Variants in ZNF131 observed in about 807,000 individuals in gnomAD.
ZNF131 encodes the protein zinc finger protein 131.
In ZNF131, 7 loss-of-function variants were observed where a neutral mutation model predicts 60.0. The observed-to-expected ratio is 0.12, with a 90% confidence interval of 0.07 to 0.22. The LOEUF (loss-of-function observed/expected upper bound fraction) is 0.22. ZNF131 is among the 10% of genes least tolerant of loss of function. The pLI is 1.00. For missense variants in ZNF131, 493 were observed against 740.9 expected, an observed-to-expected ratio of 0.67 and a Z score of 3.88; for synonymous variants, 257 against 253.2, an observed-to-expected ratio of 1.01 and a Z score of -0.14.
At chr5:43,158,763 A>G (rs145857982) in intron 4 of ZNF131, among the ~76,000 whole-genome samples, 6,802 of 152,142 alleles carry the variant, frequency 0.045, 227 homozygotes, top group Non-Finnish European at 0.068. Flanking sequence ...AGTGTAGTCA[A>G]CATGTTTGCT....
intron 4 of ZNF131, among the ~76,000 whole-genome samples, chr5:43,144,864 G>A (rs187256228): frequency 6.6e-6 from 1 of 151,672 alleles, no homozygotes; most frequent in East Asian, 2.0e-4. Context: ...CTGTCTGCTT[G>A]TTCATGGCAA....
At chr5:43,171,785 A>G (rs889732706) in intron 5 of ZNF131, among the ~76,000 whole-genome samples, 7 of 151,878 alleles carry the variant, frequency 4.6e-5, no homozygotes, top group Admixed American at 4.6e-4. Flanking sequence ...ATGCCCAGCT[A>G]ATTTTTGTAT....
intron 4 of ZNF131, among the ~76,000 whole-genome samples, chr5:43,143,985 C>T (rs373206046): frequency 1.1e-3 from 133 of 124,926 alleles, no homozygotes; most frequent in Admixed American, 4.5e-3. Context: ...TGCAGTGGTG[C>T]GATCTTGGCT....
chr5:43,162,868 G>A (rs1579876739), intron 5 of ZNF131, among the ~76,000 whole-genome samples: 1 of 124,104 alleles, frequency 8.1e-6, no homozygotes. Context: ...TCACGCCATT[G>A]TACTCCAGCC....
At chr5:43,148,667 CAG>C (rs1309589026) in intron 4 of ZNF131, among the ~76,000 whole-genome samples, 2 of 152,134 alleles carry the variant, frequency 1.3e-5, no homozygotes, top group African/African-American at 4.8e-5. Context: ...ACTGTTAGGC[CAG>C]AGTTTGCTGA....
chr5:43,143,933 T>C (rs1172521464), intron 4 of ZNF131, among the ~76,000 whole-genome samples: 40 of 108,286 alleles, frequency 3.7e-4, no homozygotes, highest in African/African-American at 1.3e-3. Flanking sequence ...TTTTTTTTTT[T>C]TTTCCTTGAG....
At chr5:43,134,182 T>C (rs191210560) in intron 3 of ZNF131, among the ~76,000 whole-genome samples, 2 of 152,324 alleles carry the variant, frequency 1.3e-5, no homozygotes, top group East Asian at 3.9e-4. Context: ...ATTCCATGAC[T>C]AAGTGAGATT....
chr5:43,153,246 A>C (rs1010588172), intron 4 of ZNF131, among the ~76,000 whole-genome samples: 1 of 152,106 alleles, frequency 6.6e-6, no homozygotes, highest in African/African-American at 2.4e-5. Flanking sequence ...CGAATTTCCT[A>C]ACCCTGGCTT....
chr5:43,133,046 G>T (rs1350466286), intron 3 of ZNF131, among the ~76,000 whole-genome samples: 1 of 152,058 alleles, frequency 6.6e-6, no homozygotes, highest in Admixed American at 6.6e-5. Flanking sequence ...ATAGTGTCTC[G>T]TAGCCTTTCA....
intron 4 of ZNF131, among the ~76,000 whole-genome samples, chr5:43,147,522 A>G (rs886422333): frequency 2.0e-5 from 3 of 151,386 alleles, no homozygotes; most frequent in Non-Finnish European, 2.9e-5. Flanking sequence ...GGTTCACGCC[A>G]TTCTCCTGCC....
rs770036560 is a variant in ZNF131, at chr5:43,174,478, A to T, written c.1217A>T (p.Gln406Leu). 3 of 1,539,902 alleles carry T rather than the reference A, an allele frequency of 1.9e-6. No individual in the cohort carries two copies. The Admixed American group carries it at 6.0e-5, about 31-fold the overall frequency. ...AACAGTGTGTTTAACAGCTGGGACCAGTTCAAAGATCACTTGGTAATACAC... is the reference window on the plus strand; with the variant it reads ...AACAGTGTGTTTAACAGCTGGGACCTGTTCAAAGATCACTTGGTAATACAC... The part of the protein sequence containing the change: ...VCNSVFNSWD[Q>L]FKDHLVIHTG... The change falls in exon 7 of 7, where the codon CAG becomes CTG. Residue 406 changes from glutamine to leucine, a missense_variant. Gln to Leu is a moderately radical substitution (Grantham distance 113). This residue lies in a region of ZNF131 where 33 missense variants were observed against 67.9 expected (regional missense o/e 0.49). Transcript: ENST00000682664.
At chr5:43,140,462 T>C (rs771432602) in intron 4 of ZNF131, among the ~76,000 whole-genome samples, 14 of 152,088 alleles carry the variant, frequency 9.2e-5, no homozygotes, top group Non-Finnish European at 1.8e-4. Context: ...TGGGATTTGA[T>C]TGTGAGGGTT....
chr5:43,147,409 TTTTA>T lies in ZNF131; in HGVS notation c.371+8120_371+8123del, dbSNP rs145929026. Among the ~76,000 whole-genome samples the T allele has an allele frequency of 4.8e-3, 721 of 151,098 alleles. 46 individuals carry two copies. In the East Asian group the frequency reaches 0.13, roughly 27 times the overall value. ...TTTTTTAAATCTTTTTTTTATTTTA[TTTTA>T]TTTATTTATTTATTTATTTTTTGAG... On this transcript the variant is annotated intron_variant, in intron 4 of 6. Coordinates refer to ENST00000682664, the MANE Select transcript of ZNF131 (RefSeq NM_001330707.2).
At chr5:43,170,457 T>G (rs1750840985) in intron 5 of ZNF131, among the ~76,000 whole-genome samples, 1 of 152,206 alleles carries the variant, frequency 6.6e-6, no homozygotes, top group African/African-American at 2.4e-5. Context: ...TGCTGAGGAC[T>G]GCTGGAGGAA....
intron 3 of ZNF131, among the ~76,000 whole-genome samples, chr5:43,134,151 A>G (rs547229182): frequency 2.8e-4 from 42 of 152,344 alleles, no homozygotes; most frequent in African/African-American, 1.0e-3. Flanking sequence ...ACTGATTCTA[A>G]CAGCAAGGTA....
intron 5 of ZNF131, among the ~76,000 whole-genome samples, chr5:43,162,969 C>CTTTTTTTTTTTTTTTGTTT (rs1749915360): frequency 1.5e-5 from 1 of 64,908 alleles, no homozygotes; most frequent in Non-Finnish European, 2.9e-5. Context: ...TTTTATTTGC[C>CTTTTTTTTTTTTTTTGTTT]TTTTTTTTTT....
rs973032026 is a variant in ZNF131, at chr5:43,122,146, C to G, written c.93C>G (p.Asp31Glu). Residue 31 changes from aspartate (D) to glutamate (E), a missense_variant, in exon 2 of 7, where the codon GAC (aspartate) becomes GAG (glutamate). This residue lies in a region of ZNF131 where 66 missense variants were observed against 148.0 expected (regional missense o/e 0.45). Transcript: ENST00000682664. ...LDRLNEQREQ[D>E]RFTDITLIVD... ...GATTGAATGAACAGCGAGAGCAGGA[C>G]CGGTTTACTGACATCACCCTAATTG... The G allele has an allele frequency of 6.2e-7, 1 of 1,614,022 alleles. No individual in the cohort carries two copies. Among genetic ancestry groups the G allele is most frequent in the Admixed American group, 1.7e-5 (1 of 60,018 alleles).
chr5:43,175,350 G>A lies in ZNF131; in HGVS notation c.*217G>A. The stretch of plus-strand genomic sequence containing the variant: ...TTCCATAACTGAAGGGGAGTTTTGA[G>A]AAGTATATTTCTGGAAACTTAAATG... On this transcript the variant is annotated 3_prime_UTR_variant, in exon 7 of 7. Coordinates refer to ENST00000682664, the MANE Select transcript of ZNF131 (RefSeq NM_001330707.2). 1 of 677,882 alleles carries A rather than the reference G, an allele frequency of 1.5e-6. No homozygotes were observed. Among genetic ancestry groups the A allele is most frequent in the Non-Finnish European group, 2.6e-6 (1 of 383,618 alleles). The allele number at this position is 677,882 out of a possible 1,614,324, so 42.0% of individuals were successfully genotyped here. A position where few individuals can be genotyped will look rare whatever the true frequency, so the allele number is the denominator to read the frequency against.
chr5:43,145,510 C>T (rs1011405994), intron 4 of ZNF131, among the ~76,000 whole-genome samples: 4 of 152,018 alleles, frequency 2.6e-5, no homozygotes, highest in African/African-American at 7.2e-5. Flanking sequence ...AAAAATTAGC[C>T]GGACATGGTG....
Sources: gnomAD v4.1 joint callset for allele counts (sites outside exome capture counted in the v4.1 genomes callset) on GRCh38, gnomAD v4.1.1 for gene constraint, gnomAD v4.1.1 regional missense constraint, MANE v1.5 for transcripts, NCBI Gene and HGNC (gene_info 2026-07-23, HGNC 2026-07-21) for gene names.